Variants in RCN2 observed in about 807,000 individuals in gnomAD.
RCN2 encodes reticulocalbin-2.
A neutral mutation model predicts 37.5 loss-of-function variants in RCN2; 23 were observed. The ratio of observed to expected loss-of-function variants is 0.61; its 90% confidence interval spans 0.44 to 0.87. RCN2 has a LOEUF of 0.87. RCN2 is among the 40% of genes least tolerant of loss of function. The probability of loss-of-function intolerance (pLI) is 0.00; values close to 1 mark genes in which losing one functional copy is unlikely to be tolerated. For synonymous variants in RCN2, 140 were observed against 144.6 expected, an observed-to-expected ratio of 0.97 and a Z score of 0.23; for missense variants, 381 against 390.4, an observed-to-expected ratio of 0.98 and a Z score of 0.20.
At chr15:76,935,864 A>G in intron 3 of RCN2, 142 bp downstream of exon 3, 1 of 572,080 alleles carries the variant, frequency 1.7e-6, no homozygotes, top group Admixed American at 3.8e-5. Context: ...TTCAGCAGTC[A>G]TTTTGATGGT....
intron 3 of RCN2, among the ~76,000 whole-genome samples, chr15:76,936,636 C>T (rs149305060): frequency 3.3e-5 from 5 of 152,210 alleles, no homozygotes; most frequent in East Asian, 3.9e-4. Context: ...AATACCCGTC[C>T]GCGACCTAGG....
rs1182074162 is a variant in RCN2 at position 76,950,842 on chromosome 15, C to T, written c.*1620C>T. 2 of 152,210 alleles carry T rather than the reference C, an allele frequency of 1.3e-5. No homozygotes were observed. Among genetic ancestry groups the T allele is most frequent in the Non-Finnish European group, 2.9e-5 (2 of 68,050 alleles). The allele number at this position is 152,210 out of a possible 1,614,324, so 9.4% of individuals were successfully genotyped here. On this transcript the variant is annotated 3_prime_UTR_variant, in exon 7 of 7. Transcript: ENST00000394885. ...CTATTTGAGAAGACATGAAACTCTT[C>T]TCTGATAGAATCGACTGCACCTATA...
chr15:76,938,468 G>A (rs997846702), intron 3 of RCN2, among the ~76,000 whole-genome samples: 24 of 152,164 alleles, frequency 1.6e-4, no homozygotes, highest in African/African-American at 5.8e-4. Context: ...AGGGAGGAGT[G>A]CATAACAAAT....
At chr15:76,946,056 G>A (rs910401256) in intron 4 of RCN2, among the ~76,000 whole-genome samples, 1 of 152,204 alleles carries the variant, frequency 6.6e-6, no homozygotes, top group African/African-American at 2.4e-5. Flanking sequence ...AATGTGATAC[G>A]GCCCAGAGTT....
rs1173362902 is a variant in RCN2, at chr15:76,953,553, TTCTATATA to T, written c.*4333_*4340del. Reference sequence around the variant, plus strand: ...GTGGGATTGCTGGATCATATAGTAATTCTATATATATATATATATATATATATATATAT... The same window carrying T: ...GTGGGATTGCTGGATCATATAGTAATTATATATATATATATATATATATAT... On this transcript the variant is annotated 3_prime_UTR_variant, in exon 7 of 7. Coordinates refer to ENST00000394885, the MANE Select transcript of RCN2 (RefSeq NM_002902.3). 1 of 77,530 alleles carries T rather than the reference TTCTATATA, an allele frequency of 1.3e-5. No homozygotes were observed. The highest frequency in any genetic ancestry group is 2.4e-5 in the Non-Finnish European group (1 of 42,220). 4.8% of individuals were successfully genotyped at this position (77,530 alleles called of 1,614,324 possible).
At chr15:76,945,337 T>TA (rs1227334911) in intron 4 of RCN2, among the ~76,000 whole-genome samples, 1 of 152,228 alleles carries the variant, frequency 6.6e-6, no homozygotes, top group Non-Finnish European at 1.5e-5. Context: ...CAACATCACT[T>TA]ATGAAAGCTT....
chr15:76,938,157 G>A (rs903606242), intron 3 of RCN2, among the ~76,000 whole-genome samples: 5 of 152,072 alleles, frequency 3.3e-5, no homozygotes, highest in Non-Finnish European at 5.9e-5. Flanking sequence ...CAAAATATTA[G>A]TCAAGGGTGC....
chr15:76,951,891 T>C lies in RCN2; in HGVS notation c.*2669T>C, dbSNP rs988231542. 2.0e-5 allele frequency: 3 copies of C among 152,182 alleles called. No homozygotes were observed. Among genetic ancestry groups the C allele is most frequent in the Non-Finnish European group, 2.9e-5 (2 of 68,040 alleles). 9.4% of individuals were successfully genotyped at this position (152,182 alleles called of 1,614,324 possible). A position where few individuals can be genotyped will look rare whatever the true frequency, so the allele number is the denominator to read the frequency against. ...CATGTTGGCTCATATGTAGTTCTGA[T>C]TGGGCCAATTTGCAGGACAGAAAAT... is the stretch of plus-strand genomic sequence containing the variant. On this transcript the variant is annotated 3_prime_UTR_variant, in exon 7 of 7. Transcript: ENST00000394885.
chr15:76,939,231 A>T lies in RCN2; in HGVS notation c.447+3509A>T, dbSNP rs527274534. On this transcript the variant is annotated intron_variant, in intron 3 of 6. Transcript: ENST00000394885. ...GGGCAACAGAGAGACCTCATTTCTA[A>T]AAATAAATAAATAAATAAATAAATA... is the stretch of plus-strand genomic sequence containing the variant. Among the ~76,000 whole-genome samples the T allele has an allele frequency of 1.7e-3, 243 of 144,638 alleles. 1 individual carries two copies. The highest frequency in any genetic ancestry group is 5.9e-3 in the African/African-American group (231 of 38,968). The allele number at this position is 144,638 out of a possible 152,430, so 94.9% of individuals were successfully genotyped here.
intron 2 of RCN2, among the ~76,000 whole-genome samples, chr15:76,933,494 A>G (rs532474584): frequency 2.0e-5 from 3 of 152,260 alleles, no homozygotes; most frequent in Non-Finnish European, 4.4e-5. Flanking sequence ...TGGTTATACT[A>G]GAGTAATCAA....
chr15:76,941,668 GT>G, intron 3 of RCN2: 7 of 1,500,380 alleles, frequency 4.7e-6, no homozygotes, highest in South Asian at 2.6e-5. Context: ...CAGTCTTTCT[GT>G]TTTTGGCTTC....
At chr15:76,935,758 T>A (rs2152649655) in intron 3 of RCN2, 36 bp downstream of exon 3, 2 of 1,531,316 alleles carry the variant, frequency 1.3e-6, no homozygotes, top group South Asian at 1.2e-5. Context: ...CTTTTGATCA[T>A]GTCAGTTCAC....
intron 3 of RCN2, among the ~76,000 whole-genome samples, chr15:76,937,688 G>A (rs1036566132): frequency 6.6e-6 from 1 of 152,140 alleles, no homozygotes; most frequent in African/African-American, 2.4e-5. Context: ...GATTACAGGT[G>A]TAAGCCACGA....
intron 4 of RCN2, among the ~76,000 whole-genome samples, chr15:76,945,104 G>A (rs369048810): frequency 6.6e-6 from 1 of 152,174 alleles, no homozygotes; most frequent in Non-Finnish European, 1.5e-5. Flanking sequence ...CTTAAAATTA[G>A]GCTTGGTAAG....
At chr15:76,941,657 A>T in intron 3 of RCN2, 1 of 1,506,286 alleles carries the variant, frequency 6.6e-7, no homozygotes, top group East Asian at 2.5e-5. Flanking sequence ...TTTGTAAAAA[A>T]CAGTCTTTCT....
chr15:76,945,276 A>AT (rs1568461346), intron 4 of RCN2, among the ~76,000 whole-genome samples: 9 of 151,768 alleles, frequency 5.9e-5, no homozygotes, highest in African/African-American at 1.5e-4. Context: ...TAGCTTTCAG[A>AT]TTTTTTTTGG....
chr15:76,945,250 C>T (rs1241694631), intron 4 of RCN2, among the ~76,000 whole-genome samples: 2 of 152,180 alleles, frequency 1.3e-5, no homozygotes, highest in Non-Finnish European at 2.9e-5. Flanking sequence ...CCTTCAGTGC[C>T]TTCCTTATCC....
In RCN2 at chr15:76,931,787, G is replaced by C; in HGVS notation, c.-55G>C. The C allele has an allele frequency of 8.4e-7, 1 of 1,187,396 alleles. No homozygotes were observed. The highest frequency in any genetic ancestry group is 1.0e-6 in the Non-Finnish European group (1 of 957,704). The allele number at this position is 1,187,396 out of a possible 1,614,324, so 73.6% of individuals were successfully genotyped here. ...CCCGCGGAGCATCGCAGCCGGCCCG[G>C]GCCCCCGCCAGCCTCCCTCCTCGCG... On this transcript the variant is annotated 5_prime_UTR_variant, in exon 1 of 7. Transcript: ENST00000394885.
chr15:76,937,950 T>G (rs1162647629), intron 3 of RCN2, among the ~76,000 whole-genome samples: 1 of 152,172 alleles, frequency 6.6e-6, no homozygotes, highest in Non-Finnish European at 1.5e-5. Flanking sequence ...TTTTAAAGAA[T>G]TAAAATCTTT....
Sources: allele counts gnomAD v4.1 joint callset (sites outside exome capture counted in the v4.1 genomes callset), GRCh38; gene constraint gnomAD v4.1.1; transcripts MANE v1.5; gene names NCBI Gene and HGNC (gene_info 2026-07-23, HGNC 2026-07-21).